The following CNTNAP2 variants were observed in gnomAD, a reference collection of about 807,000 sequenced individuals.
The protein encoded by CNTNAP2 is contactin-associated protein-like 2.
In CNTNAP2, 98 loss-of-function variants were observed where a neutral mutation model predicts 155.2. The ratio of observed to expected loss-of-function variants is 0.63; its 90% CI spans 0.54 to 0.75. The LOEUF (loss-of-function observed/expected upper bound fraction) is 0.75, where lower values mean the gene tolerates loss of function less well. CNTNAP2 is among the 30% of genes least tolerant of loss of function. CNTNAP2 has a pLI of 0.00. For missense variants in CNTNAP2, 1,727 were observed against 1,688.1 expected (o/e 1.02, Z -0.40); for synonymous variants, 651 against 631.2 (o/e 1.03, Z -0.47).
chr7:147,065,498 G>T (rs147718424), intron 4 of CNTNAP2, among the ~76,000 whole-genome samples: 1 of 152,190 alleles, frequency 6.6e-6, no homozygotes, highest in Admixed American at 6.5e-5. Flanking sequence ...TAAACACCAG[G>T]TAAACAACAT....
intron 3 of CNTNAP2, among the ~76,000 whole-genome samples, chr7:146,849,415 A>C (rs1794829065): frequency 6.6e-6 from 1 of 152,188 alleles, no homozygotes; most frequent in Admixed American, 6.5e-5. Flanking sequence ...TTGGTTCAGC[A>C]AGAAGTTCCA....
At chr7:147,346,869 A>G (rs934553581) in intron 9 of CNTNAP2, among the ~76,000 whole-genome samples, 6 of 152,176 alleles carry the variant, frequency 3.9e-5, no homozygotes, top group East Asian at 1.9e-4. Context: ...TTGCTGTACC[A>G]TTGCTTTTAT....
chr7:147,842,587 C>CTTTTTTTT (rs3055146), intron 13 of CNTNAP2, among the ~76,000 whole-genome samples: 5 of 84,404 alleles, frequency 5.9e-5, no homozygotes, highest in Non-Finnish European at 1.1e-4. Context: ...TTTTACTTTT[C>CTTTTTTTT]TTTTTTTTTT....
chr7:146,358,113 C>G (rs933105179), intron 1 of CNTNAP2, among the ~76,000 whole-genome samples: 1 of 152,104 alleles, frequency 6.6e-6, no homozygotes, highest in African/African-American at 2.4e-5. Context: ...CGGCTCACTG[C>G]AAGCTCCGCC....
chr7:146,596,628 AG>A (rs1798864694), intron 1 of CNTNAP2, among the ~76,000 whole-genome samples: 1 of 149,370 alleles, frequency 6.7e-6, no homozygotes, highest in East Asian at 2.0e-4. Context: ...AGAGAGAGAG[AG>A]AGAGAGAGAG....
intron 12 of CNTNAP2, among the ~76,000 whole-genome samples, chr7:147,579,267 A>G (rs1800453165): frequency 6.6e-6 from 1 of 152,220 alleles, no homozygotes; most frequent in East Asian, 1.9e-4. Flanking sequence ...GTTATCTCCC[A>G]GGTACAGTTT....
intron 9 of CNTNAP2, among the ~76,000 whole-genome samples, chr7:147,327,820 C>T (rs184053013): frequency 9.4e-4 from 143 of 152,240 alleles, no homozygotes; most frequent in African/African-American, 3.0e-3. Flanking sequence ...ATTCTCATAT[C>T]ATGTGGTCTT....
At chr7:147,830,169 A>G (rs1798525079) in intron 13 of CNTNAP2, among the ~76,000 whole-genome samples, 1 of 151,884 alleles carries the variant, frequency 6.6e-6, no homozygotes, top group South Asian at 2.1e-4. Flanking sequence ...CTATTAAAAA[A>G]AAAAAAAAAA....
At chr7:147,189,437 A>G (rs1448068286) in intron 8 of CNTNAP2, among the ~76,000 whole-genome samples, 1 of 152,194 alleles carries the variant, frequency 6.6e-6, no homozygotes. Flanking sequence ...CCTACAATGT[A>G]CAGATAGGGT....
At chr7:146,132,079 G>T (rs978810008) in intron 1 of CNTNAP2, among the ~76,000 whole-genome samples, 1 of 152,158 alleles carries the variant, frequency 6.6e-6, no homozygotes, top group South Asian at 2.1e-4. Flanking sequence ...ATAGCATTGC[G>T]AGAATGGACT....
intron 10 of CNTNAP2, among the ~76,000 whole-genome samples, chr7:147,439,492 G>A (rs1439169603): frequency 6.6e-6 from 1 of 151,712 alleles, no homozygotes; most frequent in African/African-American, 2.4e-5. Context: ...CTTGTTTTGT[G>A]ACCTAACATA....
chr7:146,699,015 A>G (rs992563657), intron 1 of CNTNAP2, among the ~76,000 whole-genome samples: 12 of 151,544 alleles, frequency 7.9e-5, no homozygotes, highest in African/African-American at 2.9e-4. Flanking sequence ...TTACCTATGT[A>G]TTCTTTCATG....
chr7:148,033,504 G>A (rs1326227875), intron 15 of CNTNAP2, among the ~76,000 whole-genome samples: 1 of 152,086 alleles, frequency 6.6e-6, no homozygotes, highest in Non-Finnish European at 1.5e-5. Context: ...CCTTGTGTGT[G>A]TTATTCGCCT....
At chr7:147,000,894 T>C (rs1407835283) in intron 3 of CNTNAP2, among the ~76,000 whole-genome samples, 1 of 152,112 alleles carries the variant, frequency 6.6e-6, no homozygotes, top group Non-Finnish European at 1.5e-5. Context: ...TTTGAGTCAT[T>C]CTTGCAGGGC....
chr7:147,485,327 A>AAGATATAG (rs1216300010), intron 10 of CNTNAP2, among the ~76,000 whole-genome samples: 1 of 152,238 alleles, frequency 6.6e-6, no homozygotes, highest in African/African-American at 2.4e-5. Context: ...TCTTAATAAA[A>AAGATATAG]AGATATAGAT....
chr7:147,545,352 C>CAATA (rs1799711426), intron 11 of CNTNAP2, among the ~76,000 whole-genome samples: 1 of 151,714 alleles, frequency 6.6e-6, no homozygotes, highest in Non-Finnish European at 1.5e-5. Context: ...CTTCAGTGGG[C>CAATA]AATAATTGAG....
intron 1 of CNTNAP2, among the ~76,000 whole-genome samples, chr7:146,291,601 G>C (rs1033590491): frequency 6.6e-6 from 1 of 152,124 alleles, no homozygotes; most frequent in Non-Finnish European, 1.5e-5. Context: ...GGCAGGGATG[G>C]TATCAAATCT....
intron 1 of CNTNAP2, among the ~76,000 whole-genome samples, chr7:146,214,969 C>G (rs921215751): frequency 1.3e-5 from 2 of 152,160 alleles, no homozygotes; most frequent in African/African-American, 4.8e-5. Flanking sequence ...TCCGAACATA[C>G]CCTGGAACAT....
At chr7:146,549,534 A>T (rs1798082897) in intron 1 of CNTNAP2, among the ~76,000 whole-genome samples, 1 of 152,078 alleles carries the variant, frequency 6.6e-6, no homozygotes, top group African/African-American at 2.4e-5. Flanking sequence ...TGAACCCCTG[A>T]TGGTGCCTGT....
Sources: allele counts gnomAD v4.1 joint callset (sites outside exome capture counted in the v4.1 genomes callset), GRCh38; gene constraint gnomAD v4.1.1; transcripts MANE v1.5; gene names NCBI Gene and HGNC (gene_info 2026-07-23, HGNC 2026-07-21).